NDC1: variants seen among roughly 807,000 people sequenced by gnomAD.
NDC1 encodes NDC1 transmembrane nucleoporin.
In NDC1, 24 loss-of-function variants were observed where a neutral mutation model predicts 89.8. That is an observed-to-expected ratio of 0.27 (90% CI 0.19 to 0.38). The LOEUF is 0.38. NDC1 is among the 10% of genes least tolerant of loss of function. The pLI, the probability that NDC1 is intolerant of heterozygous loss-of-function variation, is 1.00. For missense variants in NDC1, 728 were observed against 797.6 expected (o/e 0.91, Z 1.05); for synonymous variants, 296 against 284.8 (o/e 1.04, Z -0.39).
Position 53,835,543 on chromosome 1 carries a change from A to T in NDC1, c.135T>A (p.Ile45=), listed in dbSNP as rs1467141622. The change falls in exon 2 of 18, where the codon ATT becomes ATA. Residue 45 remains isoleucine (I), a synonymous_variant. Transcript: ENST00000371429. ...FLPICTTVFI[I]FSRIDLFHPI... is the part of the protein sequence containing the mutation. ...GATGAAACAAATCAATCCTGCTGAA[A>T]ATTATAAATACTGTGGTGCAGATGG... 1 of 1,613,600 alleles carries T rather than the reference A, an allele frequency of 6.2e-7. No homozygotes were observed. The highest frequency in any genetic ancestry group is 8.5e-7 in the Non-Finnish European group (1 of 1,179,628).
In NDC1 at chr1:53,819,071, C is replaced by T. The variant is rs1487318191; in HGVS notation, c.603G>A (p.Lys201=). The part of the protein sequence containing the change: ...YLPFPIIQQY[K]FLRFRRSLLL... Reference sequence around the variant, plus strand: ...GCAGAGATCTCCTAAAACGCAAGAACTTGTATTGCTGTGGGGAAAAAAAAA... The same window carrying T: ...GCAGAGATCTCCTAAAACGCAAGAATTTGTATTGCTGTGGGGAAAAAAAAA... Residue 201 remains lysine, a synonymous_variant, in exon 6 of 18, where the codon AAG becomes AAA. Transcript: ENST00000371429. 6.6e-7 allele frequency: 1 copy of T among 1,507,736 alleles called. No individual in the cohort carries two copies. The highest frequency in any genetic ancestry group is 9.1e-7 in the Non-Finnish European group (1 of 1,099,520). 93.4% of individuals were successfully genotyped at this position (1,507,736 alleles called of 1,614,324 possible).
chr1:53,772,291 G>C, intron 17 of NDC1, 38 bp downstream of exon 17: 4 of 1,589,788 alleles, frequency 2.5e-6, no homozygotes, highest in African/African-American at 2.7e-5. Flanking sequence ...AAGCTCCCCA[G>C]AATAGGTATC....
chr1:53,819,127 T>C (rs1309089802), intron 5 of NDC1, 48 bp from the exon 6 acceptor site: 1 of 866,716 alleles, frequency 1.2e-6, no homozygotes, highest in East Asian at 2.5e-5. Flanking sequence ...AATCAAATGA[T>C]ACACTCAACA....
Position 53,772,292 on chromosome 1 carries a change from A to C in NDC1, c.1961+37T>G, listed in dbSNP as rs780198815. The C allele has an allele frequency of 2.5e-6, 4 of 1,597,476 alleles. No homozygotes were observed. In the Admixed American group the frequency reaches 6.7e-5, roughly 27 times the overall value. On this transcript the variant is annotated intron_variant, in intron 17 of 17. Transcript: ENST00000371429. The stretch of plus-strand genomic sequence containing the variant: ...CCTATTTCTAAGGAAAGCTCCCCAG[A>C]ATAGGTATCATCATGGATCAAAACA...
intron 15 of NDC1, among the ~76,000 whole-genome samples, chr1:53,788,070 A>G (rs1647363568): frequency 6.6e-6 from 1 of 152,132 alleles, no homozygotes; most frequent in South Asian, 2.1e-4. Context: ...GAAGTAGAGA[A>G]AGATATAAAA....
Position 53,818,526 on chromosome 1 carries a change from C to T in NDC1, c.703+445G>A, listed in dbSNP as rs551933413. Among the ~76,000 whole-genome samples, 502 of 152,210 alleles carry T rather than the reference C, an allele frequency of 3.3e-3. 4 individuals carry two copies. Among genetic ancestry groups the T allele is most frequent in the Non-Finnish European group, 4.9e-3 (336 of 68,002 alleles). Reference sequence around the variant, plus strand: ...ATTTTTGTGCAACAGATTTCTAGAACTTTTCATTTTGCAAAACTGAAACTC... The same window carrying T: ...ATTTTTGTGCAACAGATTTCTAGAATTTTTCATTTTGCAAAACTGAAACTC... On this transcript the variant is annotated intron_variant, in intron 6 of 17. Transcript: ENST00000371429.
chr1:53,799,777 C>T (rs1436628390), intron 11 of NDC1, among the ~76,000 whole-genome samples: 1 of 152,186 alleles, frequency 6.6e-6, no homozygotes, highest in African/African-American at 2.4e-5. Flanking sequence ...TCACTAAATG[C>T]CTGGCTCCAA....
Position 53,766,767 on chromosome 1 carries a change from G to C in NDC1, c.*1203C>G, listed in dbSNP as rs1050658135. On this transcript the variant is annotated 3_prime_UTR_variant, in exon 18 of 18. Coordinates refer to ENST00000371429, the MANE Select transcript of NDC1 (RefSeq NM_018087.5). The stretch of plus-strand genomic sequence containing the variant: ...TGCTGACTTTAAAGAAAATATTTTG[G>C]GACACTAGAAGGAAAAGACAATAGG... 12 of 152,024 alleles carry C rather than the reference G, an allele frequency of 7.9e-5. No homozygotes were observed. The highest frequency in any genetic ancestry group is 2.4e-4 in the African/African-American group (10 of 41,368). The allele number at this position is 152,024 out of a possible 1,614,324, so 9.4% of individuals were successfully genotyped here.
chr1:53,787,485 C>A (rs962918326), intron 15 of NDC1, among the ~76,000 whole-genome samples: 1 of 150,950 alleles, frequency 6.6e-6, no homozygotes, highest in African/African-American at 2.4e-5. Flanking sequence ...CCCCTCTCTA[C>A]AAAATTAGCC....
At chr1:53,814,377 T>C (rs991322441) in intron 6 of NDC1, among the ~76,000 whole-genome samples, 1 of 151,744 alleles carries the variant, frequency 6.6e-6, no homozygotes, top group African/African-American at 2.4e-5. Flanking sequence ...AATAAATAAA[T>C]AAAAAATAAT....
chr1:53,821,360 C>T (rs2100682561), intron 5 of NDC1, among the ~76,000 whole-genome samples: 1 of 152,222 alleles, frequency 6.6e-6, no homozygotes, highest in Middle Eastern at 3.4e-3. Flanking sequence ...GGGAGGACTG[C>T]TTGAACCTGA....
chr1:53,785,034 A>G (rs1303077349), intron 16 of NDC1, among the ~76,000 whole-genome samples: 1 of 152,098 alleles, frequency 6.6e-6, no homozygotes, highest in Non-Finnish European at 1.5e-5. Flanking sequence ...ATGCCCTGCA[A>G]TCAGACTGGG....
chr1:53,789,797 C>T (rs1360719651), intron 14 of NDC1, among the ~76,000 whole-genome samples: 1 of 136,732 alleles, frequency 7.3e-6, no homozygotes, highest in African/African-American at 2.8e-5. Context: ...GAAACTCCAT[C>T]TCAAAAAAAA....
At chr1:53,782,293 G>A (rs1647217306) in intron 16 of NDC1, among the ~76,000 whole-genome samples, 1 of 152,152 alleles carries the variant, frequency 6.6e-6, no homozygotes, top group Admixed American at 6.6e-5. Context: ...GAGTCCATAG[G>A]AGCAAGAGGA....
At chr1:53,792,790 T>C (rs2100646101) in intron 14 of NDC1, among the ~76,000 whole-genome samples, 1 of 152,372 alleles carries the variant, frequency 6.6e-6, no homozygotes, top group East Asian at 1.9e-4. Flanking sequence ...AGTCATTTCA[T>C]GTGTGGTCTG....
chr1:53,787,716 GA>G (rs933962717), intron 15 of NDC1, among the ~76,000 whole-genome samples: 2 of 150,574 alleles, frequency 1.3e-5, no homozygotes, highest in South Asian at 2.1e-4. Flanking sequence ...CAATTCAATA[GA>G]AAAACGGGCA....
intron 5 of NDC1, among the ~76,000 whole-genome samples, chr1:53,824,797 G>A (rs1469470683): frequency 6.6e-6 from 1 of 152,176 alleles, no homozygotes; most frequent in Non-Finnish European, 1.5e-5. Context: ...ACTTTGCCTT[G>A]TTCTGAAAAT....
chr1:53,778,264 C>CACACACACACATAT lies in NDC1; in HGVS notation c.1801-5776_1801-5775insATATGTGTGTGTGT, dbSNP rs1553146693. Among the ~76,000 whole-genome samples, 515 of 128,294 alleles carry CACACACACACATAT rather than the reference C, an allele frequency of 4.0e-3. 2 individuals carry two copies. The highest frequency in any genetic ancestry group is 0.014 in the African/African-American group (477 of 32,938). The allele number at this position is 128,294 out of a possible 152,430, so 84.2% of individuals were successfully genotyped here. On this transcript the variant is annotated intron_variant, in intron 16 of 17. Transcript: ENST00000371429. ...TATATGATGTGTGTGTGTATATACA[C>CACACACACACATAT]ACACACACACACACACACACACACA... is the stretch of plus-strand genomic sequence containing the variant.
chr1:53,785,720 G>A (rs1257715413), intron 16 of NDC1, among the ~76,000 whole-genome samples: 2 of 151,718 alleles, frequency 1.3e-5, no homozygotes, highest in African/African-American at 2.4e-5. Context: ...CTATAGGTGC[G>A]CACCACCACA....
Sources: gnomAD v4.1 joint callset for allele counts (sites outside exome capture counted in the v4.1 genomes callset) on GRCh38, gnomAD v4.1.1 for gene constraint, MANE v1.5 for transcripts, NCBI Gene and HGNC (gene_info 2026-07-23, HGNC 2026-07-21) for gene names.